MNAT1: variants seen among roughly 807,000 people sequenced by gnomAD.
The protein encoded by MNAT1 is MNAT1 component of CDK activating kinase.
A neutral mutation model predicts 42.0 loss-of-function variants in MNAT1; 43 were observed. That is an observed-to-expected ratio of 1.02 (90% CI 0.80 to 1.32). The LOEUF (loss-of-function observed/expected upper bound fraction) is 1.32, where lower values mean the gene tolerates loss of function less well. Among genes scored for constraint, MNAT1 ranks in the 40% most tolerant of loss-of-function variants. MNAT1 has a pLI of 0.00. For synonymous variants in MNAT1, 118 were observed against 120.0 expected (o/e 0.98, Z 0.11); for missense variants, 306 against 350.4 (o/e 0.87, Z 1.01).
chr14:60,887,681 C>T (rs2034711703), intron 7 of MNAT1, among the ~76,000 whole-genome samples: 1 of 151,524 alleles, frequency 6.6e-6, no homozygotes, highest in South Asian at 2.1e-4. Flanking sequence ...AAAGGATCCA[C>T]AAAATTGATA....
chr14:60,933,444 G>A (rs1439478168), intron 7 of MNAT1, among the ~76,000 whole-genome samples: 2 of 152,104 alleles, frequency 1.3e-5, no homozygotes, highest in African/African-American at 4.8e-5. Flanking sequence ...AAAGTAGCGG[G>A]TAAGATGTTT....
chr14:60,943,469 A>G (rs371020209), intron 7 of MNAT1, among the ~76,000 whole-genome samples: 12 of 152,274 alleles, frequency 7.9e-5, no homozygotes, highest in African/African-American at 2.6e-4. Context: ...CCCAGGCCAT[A>G]TGGCTTATAA....
intron 7 of MNAT1, among the ~76,000 whole-genome samples, chr14:60,944,711 A>G (rs1176025020): frequency 6.6e-6 from 1 of 152,232 alleles, no homozygotes; most frequent in African/African-American, 2.4e-5. Context: ...TGCCTAAATT[A>G]TAAAATTTTA....
intron 6 of MNAT1, among the ~76,000 whole-genome samples, chr14:60,849,491 A>G (rs937375875): frequency 1.7e-4 from 26 of 152,216 alleles, no homozygotes; most frequent in African/African-American, 5.8e-4. Context: ...GCCTAAAGTC[A>G]ATATAATGAA....
intron 3 of MNAT1, among the ~76,000 whole-genome samples, chr14:60,800,305 T>C (rs1388006637): frequency 6.6e-6 from 1 of 152,146 alleles, no homozygotes; most frequent in Non-Finnish European, 1.5e-5. Context: ...TCACAGCACT[T>C]TGGGAGGCCA....
intron 7 of MNAT1, among the ~76,000 whole-genome samples, chr14:60,913,018 T>G (rs531723386): frequency 5.7e-4 from 87 of 152,280 alleles, no homozygotes; most frequent in Middle Eastern, 3.4e-3. Context: ...GGAGGCTTTG[T>G]TTGTTTCTTT....
At chr14:60,822,852 G>T (rs2032939108) in intron 6 of MNAT1, among the ~76,000 whole-genome samples, 1 of 152,056 alleles carries the variant, frequency 6.6e-6, no homozygotes, top group South Asian at 2.1e-4. Flanking sequence ...TGTCCCCTGG[G>T]CTCAAGCGAT....
intron 1 of MNAT1, chr14:60,779,890 G>C: frequency 4.0e-6 from 3 of 751,692 alleles, no homozygotes; most frequent in Non-Finnish European, 6.8e-6. Flanking sequence ...ACTCTTGGCG[G>C]GGAAGTGCTG....
At chr14:60,829,233 T>G (rs2033149529) in intron 6 of MNAT1, among the ~76,000 whole-genome samples, 1 of 152,072 alleles carries the variant, frequency 6.6e-6, no homozygotes, top group Non-Finnish European at 1.5e-5. Context: ...AAGACACCAT[T>G]TTGGAGACTA....
At chr14:60,920,412 T>G (rs574307289) in intron 7 of MNAT1, among the ~76,000 whole-genome samples, 1 of 152,160 alleles carries the variant, frequency 6.6e-6, no homozygotes, top group Non-Finnish European at 1.5e-5. Flanking sequence ...CATTATGGAT[T>G]GAAAACAGAA....
chr14:60,796,252 G>T lies in MNAT1; in HGVS notation c.125G>T (p.Gly42Val). The T allele has an allele frequency of 6.2e-7, 1 of 1,611,874 alleles. No individual in the cohort carries two copies. The highest frequency in any genetic ancestry group is 1.1e-5 in the South Asian group (1 of 90,658). ...TGTGTAGATTTACTGTTTGTGAGAGGAGCTGGAAACTGCCCTGAGTGTGGT... is the reference window on the plus strand; with the variant it reads ...TGTGTAGATTTACTGTTTGTGAGAGTAGCTGGAAACTGCCCTGAGTGTGGT... The part of the protein sequence containing the change: ...ESCVDLLFVR[G>V]AGNCPECGTP... The change falls in exon 2 of 8, where the codon GGA becomes GTA. Residue 42 changes from glycine (G) to valine (V), a missense_variant. Gly to Val is a moderately radical substitution (Grantham distance 109). Coordinates refer to ENST00000261245, the MANE Select transcript of MNAT1 (RefSeq NM_002431.4).
intron 1 of MNAT1, among the ~76,000 whole-genome samples, chr14:60,735,335 T>C (rs760449456): frequency 2.0e-5 from 3 of 152,196 alleles, no homozygotes; most frequent in Non-Finnish European, 4.4e-5. Context: ...GAAAGTGCTA[T>C]GAAAACTTAA....
chr14:60,848,698 T>C (rs779631671), intron 6 of MNAT1, among the ~76,000 whole-genome samples: 3 of 152,170 alleles, frequency 2.0e-5, no homozygotes, highest in African/African-American at 7.2e-5. Context: ...CCCCTATAGA[T>C]GTATTTACTC....
chr14:60,825,214 G>C (rs1422975805), intron 6 of MNAT1, among the ~76,000 whole-genome samples: 1 of 152,092 alleles, frequency 6.6e-6, no homozygotes, highest in Non-Finnish European at 1.5e-5. Flanking sequence ...TCACAACACA[G>C]CACTAAATAC....
intron 6 of MNAT1, among the ~76,000 whole-genome samples, chr14:60,873,867 G>A (rs1290083141): frequency 1.3e-5 from 2 of 152,018 alleles, no homozygotes; most frequent in Non-Finnish European, 2.9e-5. Context: ...GCTGCACACT[G>A]TTTTATGTTA....
intron 7 of MNAT1, among the ~76,000 whole-genome samples, chr14:60,903,349 C>T (rs776331970): frequency 6.6e-6 from 1 of 151,862 alleles, no homozygotes; most frequent in African/African-American, 2.4e-5. Context: ...CCTAAAATAG[C>T]GTTTGGGAAA....
intron 6 of MNAT1, among the ~76,000 whole-genome samples, chr14:60,859,741 A>G (rs568619270): frequency 6.6e-6 from 1 of 152,142 alleles, no homozygotes; most frequent in Non-Finnish European, 1.5e-5. Flanking sequence ...TCCTCTTGAC[A>G]CCTTACTGAT....
At chr14:60,872,096 T>C (rs1343180153) in intron 6 of MNAT1, among the ~76,000 whole-genome samples, 2 of 152,290 alleles carry the variant, frequency 1.3e-5, no homozygotes, top group African/African-American at 2.4e-5. Flanking sequence ...TAAGGAAAGA[T>C]GTTTATTTGG....
At chr14:60,861,232 T>A (rs1408688247) in intron 6 of MNAT1, among the ~76,000 whole-genome samples, 2 of 152,186 alleles carry the variant, frequency 1.3e-5, no homozygotes, top group Non-Finnish European at 2.9e-5. Context: ...AAAGATTGTA[T>A]ATTTCCAGAA....
Sources: allele counts gnomAD v4.1 joint callset (sites outside exome capture counted in the v4.1 genomes callset), GRCh38; gene constraint gnomAD v4.1.1; transcripts MANE v1.5; gene names NCBI Gene and HGNC (gene_info 2026-07-23, HGNC 2026-07-21).